The following MINDY3 variants were observed in gnomAD, a reference collection of about 807,000 sequenced individuals.
The protein encoded by MINDY3 is ubiquitin carboxyl-terminal hydrolase MINDY-3.
In MINDY3, 38 loss-of-function variants were observed where a neutral mutation model predicts 69.2. The ratio of observed to expected loss-of-function variants is 0.55; its 90% CI spans 0.42 to 0.72. MINDY3 has a LOEUF of 0.72. Among genes scored for constraint, MINDY3 ranks in the 30% least tolerant of loss-of-function variants. The pLI is 0.00. For missense variants in MINDY3, 522 were observed against 519.0 expected (o/e 1.01, Z -0.06); for synonymous variants, 192 against 180.1 (o/e 1.07, Z -0.53).
At chr10:15,815,450 G>A (rs557458093) in intron 10 of MINDY3, among the ~76,000 whole-genome samples, 1 of 152,248 alleles carries the variant, frequency 6.6e-6, no homozygotes, top group African/African-American at 2.4e-5. Context: ...ATTCAGACTA[G>A]AGTATAATTT....
chr10:15,804,232 G>T lies in MINDY3; in HGVS notation c.883-8060C>A, dbSNP rs151002966. On this transcript the variant is annotated intron_variant, in intron 10 of 14. Transcript: ENST00000277632. The stretch of plus-strand genomic sequence containing the variant: ...CTTAAATGCAGAGGGTTGGCGGGGG[G>T]GCGGGGGATGGAAGTAGGTGGACCA... Among the ~76,000 whole-genome samples the T allele has an allele frequency of 1.9e-4, 29 of 152,078 alleles. No homozygotes were observed. In the East Asian group the frequency reaches 5.2e-3, roughly 27 times the overall value.
chr10:15,785,487 TAATTAA>T (rs1255100624), intron 13 of MINDY3, among the ~76,000 whole-genome samples: 1 of 152,198 alleles, frequency 6.6e-6, no homozygotes. Context: ...CCTTGAAATA[TAATTAA>T]AATTAATACT....
At chr10:15,858,133 C>CTAT (rs1473708899) in intron 1 of MINDY3, among the ~76,000 whole-genome samples, 11 of 152,136 alleles carry the variant, frequency 7.2e-5, no homozygotes, top group African/African-American at 2.7e-4. Flanking sequence ...TAACAGGACC[C>CTAT]CTCTGATTCA....
At chr10:15,842,599 G>C (rs1449210282) in intron 3 of MINDY3, among the ~76,000 whole-genome samples, 1 of 151,772 alleles carries the variant, frequency 6.6e-6, no homozygotes, top group African/African-American at 2.4e-5. Flanking sequence ...TACATCCTTA[G>C]ATACAAAACT....
At chr10:15,812,655 A>T (rs1839087316) in intron 10 of MINDY3, among the ~76,000 whole-genome samples, 2 of 152,128 alleles carry the variant, frequency 1.3e-5, no homozygotes, top group South Asian at 4.2e-4. Flanking sequence ...AAATACAAGA[A>T]GAAAGTCATG....
intron 8 of MINDY3, among the ~76,000 whole-genome samples, chr10:15,831,349 A>C (rs1178610484): frequency 6.6e-6 from 1 of 152,204 alleles, no homozygotes; most frequent in Admixed American, 6.5e-5. Flanking sequence ...AAAACCAAGA[A>C]GGTTCAGTGA....
Position 15,812,192 on chromosome 10 carries a change from C to T in MINDY3, c.882+4643G>A, listed in dbSNP as rs150641745. On this transcript the variant is annotated intron_variant, in intron 10 of 14. Transcript: ENST00000277632. Reference sequence around the variant, plus strand: ...CTGACCTCACGTGATTCACCTGCCTCGGCCTCCCAAAGTGTTAGGATTACA... The same window carrying T: ...CTGACCTCACGTGATTCACCTGCCTTGGCCTCCCAAAGTGTTAGGATTACA... Among the ~76,000 whole-genome samples the T allele has an allele frequency of 2.1e-3, 319 of 152,222 alleles. 2 individuals carry two copies. The highest frequency in any genetic ancestry group is 7.0e-3 in the African/African-American group (289 of 41,548).
At position 15,852,000 on chromosome 10, in the gene MINDY3, C is replaced by G. The variant is rs980604624; in HGVS notation, c.95-4057G>C. 2.0e-5 allele frequency among the ~76,000 whole-genome samples: 3 copies of G among 152,228 alleles called. No homozygotes were observed. In the South Asian group the frequency reaches 6.2e-4, roughly 32 times the overall value. ...ACTGTTCTCTCTACATAAAAATGCT[C>G]TTTCCGCTACTCTCCATATAGATAA... On this transcript the variant is annotated intron_variant, in intron 1 of 14. Coordinates refer to ENST00000277632, the MANE Select transcript of MINDY3 (RefSeq NM_024948.4).
At chr10:15,782,494 G>A (rs1836625312) in intron 13 of MINDY3, among the ~76,000 whole-genome samples, 1 of 151,752 alleles carries the variant, frequency 6.6e-6, no homozygotes, top group Admixed American at 6.6e-5. Context: ...TTTTAATTAT[G>A]TGCATGTATC....
At chr10:15,786,333 T>C (rs1278855001) in intron 13 of MINDY3, among the ~76,000 whole-genome samples, 1 of 152,132 alleles carries the variant, frequency 6.6e-6, no homozygotes. Context: ...TATCATTATG[T>C]GTATAGACTG....
At chr10:15,857,652 T>C (rs967793645) in intron 1 of MINDY3, among the ~76,000 whole-genome samples, 1 of 152,162 alleles carries the variant, frequency 6.6e-6, no homozygotes, top group African/African-American at 2.4e-5. Flanking sequence ...ACATGGCTTA[T>C]TGCCTTTAAA....
chr10:15,821,588 C>G (rs1839766454), intron 9 of MINDY3, 68 bp downstream of exon 9: 4 of 1,219,560 alleles, frequency 3.3e-6, no homozygotes, highest in Non-Finnish European at 4.8e-6. Flanking sequence ...GTCAGAGGAA[C>G]AAAACAGTAT....
chr10:15,795,625 AT>A (rs1213990075), intron 11 of MINDY3, among the ~76,000 whole-genome samples: 1 of 152,046 alleles, frequency 6.6e-6, no homozygotes, highest in African/African-American at 2.4e-5. Context: ...TTAATGATAT[AT>A]ATGTGAACTT....
At chr10:15,826,112 A>C (rs1462669823) in intron 8 of MINDY3, among the ~76,000 whole-genome samples, 2 of 152,218 alleles carry the variant, frequency 1.3e-5, no homozygotes, top group African/African-American at 4.8e-5. Context: ...CATACATGGA[A>C]TAGTACGAAA....
At chr10:15,802,166 G>A (rs1282809977) in intron 10 of MINDY3, among the ~76,000 whole-genome samples, 3 of 152,004 alleles carry the variant, frequency 2.0e-5, no homozygotes, top group African/African-American at 7.2e-5. Context: ...GTCAAAAGTT[G>A]TATGTGGATT....
intron 7 of MINDY3, among the ~76,000 whole-genome samples, chr10:15,834,164 C>T (rs1832924231): frequency 6.6e-6 from 1 of 151,686 alleles, no homozygotes; most frequent in Non-Finnish European, 1.5e-5. Flanking sequence ...CCATAAAAAG[C>T]TTGAGGAGGG....
At chr10:15,852,410 G>C (rs1834369682) in intron 1 of MINDY3, among the ~76,000 whole-genome samples, 1 of 152,156 alleles carries the variant, frequency 6.6e-6, no homozygotes, top group Admixed American at 6.5e-5. Context: ...CTTAGGATTA[G>C]AGGCAGCAAT....
At chr10:15,825,663 G>T (rs1266222329) in intron 8 of MINDY3, among the ~76,000 whole-genome samples, 1 of 152,084 alleles carries the variant, frequency 6.6e-6, no homozygotes, top group Non-Finnish European at 1.5e-5. Context: ...TATAATATCC[G>T]TTTCTGTTTA....
At chr10:15,779,626 G>T (rs1257900825) in intron 14 of MINDY3, among the ~76,000 whole-genome samples, 2 of 152,110 alleles carry the variant, frequency 1.3e-5, no homozygotes, top group African/African-American at 2.4e-5. Context: ...AATTTCTAGA[G>T]CTGAAACCAA....
Sources: gnomAD v4.1 joint callset for allele counts (sites outside exome capture counted in the v4.1 genomes callset) on GRCh38, gnomAD v4.1.1 for gene constraint, MANE v1.5 for transcripts, NCBI Gene and HGNC (gene_info 2026-07-23, HGNC 2026-07-21) for gene names.